The following PLGRKT variants were observed in gnomAD, a reference collection of about 807,000 sequenced individuals.
PLGRKT encodes plasminogen receptor with a C-terminal lysine, also known as plasminogen receptor (KT).
PLGRKT carries 22 observed loss-of-function variants against 18.5 expected under a neutral mutation model. The observed-to-expected ratio is 1.19, with a 90% CI of 0.85 to 1.70. The LOEUF (loss-of-function observed/expected upper bound fraction) is 1.70, where lower values mean the gene tolerates loss of function less well. Among genes scored for constraint, PLGRKT ranks in the 40% most tolerant of loss-of-function variants. The probability of loss-of-function intolerance (pLI) is 0.00; values close to 1 mark genes in which losing one functional copy is unlikely to be tolerated. For missense variants in PLGRKT, 235 were observed against 174.4 expected, an observed-to-expected ratio of 1.35 and a Z score of -1.96; for synonymous variants, 72 against 52.8, an observed-to-expected ratio of 1.36 and a Z score of -1.58.
intron 3 of PLGRKT, among the ~76,000 whole-genome samples, chr9:5,369,882 G>C (rs1227811106): frequency 6.6e-6 from 1 of 152,030 alleles, no homozygotes; most frequent in Non-Finnish European, 1.5e-5. Context: ...TGTGGGAGTT[G>C]AACAATGAGA....
rs34566239 is a variant in PLGRKT at position 5,395,105 on chromosome 9, C to CAA, written c.82-33219_82-33218dup. Among the ~76,000 whole-genome samples, 769 of 123,500 alleles carry CAA rather than the reference C, an allele frequency of 6.2e-3. 23 individuals are homozygous for CAA. Among genetic ancestry groups the CAA allele is most frequent in the African/African-American group, 0.022 (712 of 32,882 alleles). 81.0% of individuals were successfully genotyped at this position (123,500 alleles called of 152,430 possible). ...TTTTCCTAGTGGTGAAAAGGCTTTG[C>CAA]AAAAAAAAAAAAACTTAATGAAAGA... On this transcript the variant is annotated intron_variant, in intron 3 of 5. Transcript: ENST00000223864.
chr9:5,412,117 A>G (rs1818377103), intron 3 of PLGRKT, among the ~76,000 whole-genome samples: 1 of 152,180 alleles, frequency 6.6e-6, no homozygotes, highest in African/African-American at 2.4e-5. Flanking sequence ...CAAACTGACC[A>G]GTGAATTAGA....
chr9:5,409,301 C>T (rs1016795042), intron 3 of PLGRKT, among the ~76,000 whole-genome samples: 1 of 152,186 alleles, frequency 6.6e-6, no homozygotes, highest in Non-Finnish European at 1.5e-5. Flanking sequence ...TCTGGATGGG[C>T]ACCATCTAAT....
At chr9:5,366,413 T>A (rs1381442509) in intron 3 of PLGRKT, among the ~76,000 whole-genome samples, 2 of 152,206 alleles carry the variant, frequency 1.3e-5, no homozygotes, top group East Asian at 3.8e-4. Flanking sequence ...AATTTTCTTA[T>A]CTCTGGACCT....
chr9:5,400,533 C>T (rs1818135082), intron 3 of PLGRKT, among the ~76,000 whole-genome samples: 2 of 151,988 alleles, frequency 1.3e-5, no homozygotes, highest in South Asian at 4.1e-4. Flanking sequence ...AGGAATTTAA[C>T]ATCATAAACC....
intron 3 of PLGRKT, among the ~76,000 whole-genome samples, chr9:5,370,631 C>T (rs1817495657): frequency 6.6e-6 from 1 of 152,142 alleles, no homozygotes; most frequent in African/African-American, 2.4e-5. Flanking sequence ...TCTACATGTT[C>T]TACCACAAAA....
chr9:5,371,986 C>CTTTTTTTTTTCTTTTTTTTTTTTTTTT (rs1817527597), intron 3 of PLGRKT, among the ~76,000 whole-genome samples: 1 of 89,152 alleles, frequency 1.1e-5, no homozygotes, highest in Non-Finnish European at 2.1e-5. Flanking sequence ...TCAGAAAATC[C>CTTTTTTTTTTCTTTTTTTTTTTTTTTT]TTTTTTTTTT....
intron 3 of PLGRKT, among the ~76,000 whole-genome samples, chr9:5,424,689 T>TATATATATATATATATAG (rs1563790070): frequency 1.4e-5 from 1 of 70,866 alleles, no homozygotes; most frequent in African/African-American, 5.9e-5. Context: ...TATATATATA[T>TATATATATATATATATAG]ATACACACAG....
chr9:5,429,201 T>A (rs897382277), intron 3 of PLGRKT, among the ~76,000 whole-genome samples: 2 of 152,110 alleles, frequency 1.3e-5, no homozygotes, highest in Admixed American at 6.5e-5. Flanking sequence ...ATTATAAAAC[T>A]CACAGTGACC....
chr9:5,415,275 T>G (rs978335794), intron 3 of PLGRKT, among the ~76,000 whole-genome samples: 1 of 152,246 alleles, frequency 6.6e-6, no homozygotes, highest in Admixed American at 6.5e-5. Flanking sequence ...ATGATGGTAC[T>G]AGTTTATAAC....
chr9:5,378,410 G>C (rs948605113), intron 3 of PLGRKT, among the ~76,000 whole-genome samples: 2 of 152,166 alleles, frequency 1.3e-5, no homozygotes, highest in Non-Finnish European at 2.9e-5. Context: ...CAGAAACTGT[G>C]ATAACACCGC....
intron 3 of PLGRKT, among the ~76,000 whole-genome samples, chr9:5,420,411 T>C (rs1563788279): frequency 6.6e-6 from 1 of 152,310 alleles, no homozygotes; most frequent in East Asian, 1.9e-4. Flanking sequence ...GATGTGTATT[T>C]TTTTCACAAG....
chr9:5,368,590 G>A (rs1372153357), intron 3 of PLGRKT, among the ~76,000 whole-genome samples: 1 of 152,170 alleles, frequency 6.6e-6, no homozygotes, highest in Admixed American at 6.6e-5. Context: ...AGAAGGGGTA[G>A]AGGGGGAGGG....
intron 3 of PLGRKT, among the ~76,000 whole-genome samples, chr9:5,371,048 T>C (rs1353284668): frequency 6.6e-6 from 1 of 152,224 alleles, no homozygotes; most frequent in African/African-American, 2.4e-5. Flanking sequence ...TCTTATTATA[T>C]ATCTTCCAAT....
Position 5,395,811 on chromosome 9 carries a change from C to CA in PLGRKT, c.82-33924dup, listed in dbSNP as rs5896117. ...CAAGGCATTTTCATGGAAACATTGACAAAAAAAAAGGTGGATTTTTTTTAT... is the reference window on the plus strand; with the variant it reads ...CAAGGCATTTTCATGGAAACATTGACAAAAAAAAAAGGTGGATTTTTTTTAT... On this transcript the variant is annotated intron_variant, in intron 3 of 5. Transcript: ENST00000223864. 1.4e-3 allele frequency among the ~76,000 whole-genome samples: 194 copies of CA among 143,104 alleles called. 3 individuals carry two copies. Among genetic ancestry groups the CA allele is most frequent in the African/African-American group, 4.5e-3 (178 of 39,450 alleles). 93.9% of individuals were successfully genotyped at this position (143,104 alleles called of 152,430 possible).
chr9:5,422,762 T>G (rs911774221), intron 3 of PLGRKT, among the ~76,000 whole-genome samples: 2 of 152,104 alleles, frequency 1.3e-5, no homozygotes, highest in Non-Finnish European at 2.9e-5. Flanking sequence ...TTAAAGTATA[T>G]TCCAACAAAA....
intron 3 of PLGRKT, among the ~76,000 whole-genome samples, chr9:5,414,642 T>C (rs752644107): frequency 9.9e-5 from 15 of 152,198 alleles, no homozygotes; most frequent in Admixed American, 4.6e-4. Flanking sequence ...CTAACCTTAC[T>C]AACTTAGGAA....
chr9:5,433,095 G>A (rs80334585), intron 2 of PLGRKT, among the ~76,000 whole-genome samples: 16 of 139,234 alleles, frequency 1.1e-4, no homozygotes, highest in African/African-American at 2.7e-4. Context: ...AGTGAGGAGC[G>A]CCTCTGCCCA....
At chr9:5,399,697 A>C (rs1287695916) in intron 3 of PLGRKT, among the ~76,000 whole-genome samples, 1 of 151,886 alleles carries the variant, frequency 6.6e-6, no homozygotes, top group East Asian at 1.9e-4. Flanking sequence ...ATATGGAATT[A>C]AAATACGCAG....
Sources: allele counts gnomAD v4.1 joint callset (sites outside exome capture counted in the v4.1 genomes callset), GRCh38; gene constraint gnomAD v4.1.1; transcripts MANE v1.5; gene names NCBI Gene and HGNC (gene_info 2026-07-23, HGNC 2026-07-21).